The following MAT1A variants were observed in gnomAD, a reference collection of about 807,000 sequenced individuals.
The protein encoded by MAT1A is methionine adenosyltransferase 1A.
Under a neutral mutation model 44.0 loss-of-function variants are expected in MAT1A, and 19 were observed. The observed-to-expected ratio is 0.43, with a 90% confidence interval of 0.30 to 0.63. MAT1A has a LOEUF of 0.63. Ranked by LOEUF, MAT1A falls within the 30% of genes least tolerant of loss-of-function variation. The pLI is 0.12. For synonymous variants in MAT1A, 205 were observed against 205.6 expected (o/e 1.00, Z 0.03); for missense variants, 397 against 531.0 (o/e 0.75, Z 2.48).
At chr10:80,279,068 A>G (rs1207370698) in intron 5 of MAT1A, among the ~76,000 whole-genome samples, 1 of 152,238 alleles carries the variant, frequency 6.6e-6, no homozygotes, top group Non-Finnish European at 1.5e-5. Flanking sequence ...ATGCCAGAAT[A>G]ATAAGTGGAT....
chr10:80,279,676 G>C (rs1186500391), intron 5 of MAT1A, among the ~76,000 whole-genome samples: 1 of 152,030 alleles, frequency 6.6e-6, no homozygotes, highest in Non-Finnish European at 1.5e-5. Flanking sequence ...TTTGGAGCTG[G>C]AAACAACAGA....
chr10:80,275,289 A>T, intron 6 of MAT1A, 90 bp from the exon 7 acceptor site: 1 of 1,184,004 alleles, frequency 8.4e-7, no homozygotes, highest in South Asian at 1.3e-5. Context: ...CTGAACTGCA[A>T]CTCAGGAAGG....
At chr10:80,284,541 G>A (rs1841615801) in intron 2 of MAT1A, among the ~76,000 whole-genome samples, 1 of 152,210 alleles carries the variant, frequency 6.6e-6, no homozygotes, top group Non-Finnish European at 1.5e-5. Flanking sequence ...AGAGGGGCAT[G>A]AGTCCCTGTA....
At position 80,272,047 on chromosome 10, in the gene MAT1A, C is replaced by T. The variant is rs1231665587; in HGVS notation, c.*1734G>A. ...AGGAATCTGAGGCTTCCTAGGTGAC[C>T]AGGAGCCGGGCTTCTTTTGTTGCCT... On this transcript the variant is annotated 3_prime_UTR_variant, in exon 9 of 9. Transcript: ENST00000372213. 1 of 152,110 alleles carries T rather than the reference C, an allele frequency of 6.6e-6. No homozygotes were observed. Among genetic ancestry groups the T allele is most frequent in the Non-Finnish European group, 1.5e-5 (1 of 68,020 alleles). 9.4% of individuals were successfully genotyped at this position (152,110 alleles called of 1,614,324 possible).
In MAT1A at chr10:80,280,124, G is replaced by T. The variant is rs369662322; in HGVS notation, c.549+49C>A. On this transcript the variant is annotated intron_variant, in intron 5 of 8. Coordinates refer to ENST00000372213, the MANE Select transcript of MAT1A (RefSeq NM_000429.3). ...AATCAAGAATCAAGAGGATTTGGGG[G>T]TATTAAAGCTTCTGTCTAGGGCTCT... is the stretch of plus-strand genomic sequence containing the variant. 2.9e-5 allele frequency: 47 copies of T among 1,600,560 alleles called. No homozygotes were observed. The African/African-American group carries it at 5.1e-4, about 17-fold the overall frequency.
At chr10:80,276,256 G>A in intron 6 of MAT1A, 120 bp downstream of exon 6, 1 of 986,802 alleles carries the variant, frequency 1.0e-6, no homozygotes, top group East Asian at 2.5e-5. Context: ...TTTACATTTA[G>A]TCCATGGCCA....
At position 80,274,530 on chromosome 10, in the gene MAT1A, C is replaced by T. The variant is rs763708402; in HGVS notation, c.1075G>A (p.Val359Ile). ...CGCATGGCACTTTACCTGACAATGA[C>T]GCCCGGCCGGAGGTCGAAGTTCTTA... ...VHKNFDLRPG[V>I]IVRDLDLKKP... Residue 359 changes from valine to isoleucine, a missense_variant, in exon 8 of 9, where the codon GTC becomes ATC. Transcript: ENST00000372213. 3.7e-6 allele frequency: 6 copies of T among 1,614,150 alleles called. No homozygotes were observed. The highest frequency in any genetic ancestry group is 1.3e-5 in the African/African-American group (1 of 75,028).
In MAT1A at chr10:80,289,551, G is replaced by T. The variant is rs1841694556; in HGVS notation, c.-128C>A. 3 of 745,970 alleles carry T rather than the reference G, an allele frequency of 4.0e-6. No individual in the cohort carries two copies. Among genetic ancestry groups the T allele is most frequent in the Non-Finnish European group, 7.2e-6 (3 of 419,308 alleles). The allele number at this position is 745,970 out of a possible 1,614,324, so 46.2% of individuals were successfully genotyped here. A position where few individuals can be genotyped will look rare whatever the true frequency, so the allele number is the denominator to read the frequency against. ...AGGCTTGTCTTTGGCAGAGCCACGG[G>T]GATCACTTCTGCCTAACTGCCTGTG... On this transcript the variant is annotated 5_prime_UTR_variant, in exon 1 of 9. Coordinates refer to ENST00000372213, the MANE Select transcript of MAT1A (RefSeq NM_000429.3).
chr10:80,281,518 C>T (rs751431711), intron 3 of MAT1A, among the ~76,000 whole-genome samples: 22 of 152,120 alleles, frequency 1.4e-4, no homozygotes, highest in Non-Finnish European at 2.6e-4. Flanking sequence ...GCACCGAGAC[C>T]GTGCGCACCT....
chr10:80,280,639 G>A (rs748342509), intron 4 of MAT1A, 41 bp downstream of exon 4: 4 of 1,541,706 alleles, frequency 2.6e-6, no homozygotes, highest in South Asian at 1.1e-5. Flanking sequence ...AACTTTCCCA[G>A]CCAGCTCAAC....
intron 2 of MAT1A, 23 bp downstream of exon 2, chr10:80,285,489 G>T (rs1163324510): frequency 2.5e-6 from 4 of 1,607,968 alleles, no homozygotes; most frequent in Non-Finnish European, 3.4e-6. Context: ...GTCTCCAGCA[G>T]GGAGGGATCG....
intron 3 of MAT1A, 38 bp downstream of exon 3, chr10:80,283,878 G>A (rs772569882): frequency 1.9e-6 from 3 of 1,612,864 alleles, no homozygotes; most frequent in African/African-American, 2.7e-5. Flanking sequence ...TATCAGCAGA[G>A]AGCAACAGGG....
At position 80,273,635 on chromosome 10, in the gene MAT1A, A is replaced by G; in HGVS notation, c.*146T>C. The G allele has an allele frequency of 1.4e-6, 1 of 731,736 alleles. No homozygotes were observed. The highest frequency in any genetic ancestry group is 2.5e-6 in the Non-Finnish European group (1 of 398,878). 45.3% of individuals were successfully genotyped at this position (731,736 alleles called of 1,614,324 possible). On this transcript the variant is annotated 3_prime_UTR_variant, in exon 9 of 9. Coordinates refer to ENST00000372213, the MANE Select transcript of MAT1A (RefSeq NM_000429.3). ...CCCCTGCCTCCAGCTGGCCATGATG[A>G]TGACAGGACAGGCTAAATGAGAGGG...
At chr10:80,276,912 C>G (rs1841496004) in intron 5 of MAT1A, among the ~76,000 whole-genome samples, 1 of 152,222 alleles carries the variant, frequency 6.6e-6, no homozygotes, top group South Asian at 2.1e-4. Flanking sequence ...TTCCAGGTGC[C>G]AGCAAATGTC....
chr10:80,279,164 T>G (rs1440190237), intron 5 of MAT1A, among the ~76,000 whole-genome samples: 1 of 152,074 alleles, frequency 6.6e-6, no homozygotes, highest in Non-Finnish European at 1.5e-5. Context: ...TAAAGGGGAT[T>G]AGCTGGAATT....
intron 1 of MAT1A, among the ~76,000 whole-genome samples, chr10:80,287,772 T>C (rs780853350): frequency 1.3e-5 from 2 of 152,246 alleles, no homozygotes; most frequent in African/African-American, 2.4e-5. Flanking sequence ...AGATACTTTA[T>C]ACAGTTATGC....
chr10:80,274,407 T>C (rs1841452889), intron 8 of MAT1A, 113 bp downstream of exon 8: 2 of 1,467,518 alleles, frequency 1.4e-6, no homozygotes, highest in Admixed American at 3.4e-5. Context: ...TCACAGACCC[T>C]CCCACTTCTG....
At chr10:80,286,071 C>T (rs768776761) in intron 1 of MAT1A, among the ~76,000 whole-genome samples, 30 of 152,080 alleles carry the variant, frequency 2.0e-4, no homozygotes, top group African/African-American at 3.1e-4. Flanking sequence ...TCAAGTGATC[C>T]GCCCACCTCA....
At position 80,273,632 on chromosome 10, in the gene MAT1A, A is replaced by G. The variant is rs886047317; in HGVS notation, c.*149T>C. Reference sequence around the variant, plus strand: ...AAGCCCCTGCCTCCAGCTGGCCATGATGATGACAGGACAGGCTAAATGAGA... The same window carrying G: ...AAGCCCCTGCCTCCAGCTGGCCATGGTGATGACAGGACAGGCTAAATGAGA... On this transcript the variant is annotated 3_prime_UTR_variant, in exon 9 of 9. Coordinates refer to ENST00000372213, the MANE Select transcript of MAT1A (RefSeq NM_000429.3). 2.8e-6 allele frequency: 2 copies of G among 727,026 alleles called. No individual in the cohort carries two copies. Among genetic ancestry groups the G allele is most frequent in the Non-Finnish European group, 5.0e-6 (2 of 396,306 alleles). 45.0% of individuals were successfully genotyped at this position (727,026 alleles called of 1,614,324 possible). A position where few individuals can be genotyped will look rare whatever the true frequency, so the allele number is the denominator to read the frequency against.
Sources: gnomAD v4.1 joint callset for allele counts (sites outside exome capture counted in the v4.1 genomes callset) on GRCh38, gnomAD v4.1.1 for gene constraint, MANE v1.5 for transcripts, NCBI Gene and HGNC (gene_info 2026-07-23, HGNC 2026-07-21) for gene names.